CSMD1: variants seen among roughly 807,000 people sequenced by gnomAD.
The protein encoded by CSMD1 is CUB and Sushi multiple domains 1, also known as CUB and sushi domain-containing protein 1.
In CSMD1, 213 loss-of-function variants were observed where a neutral mutation model predicts 417.5. That is an observed-to-expected ratio of 0.51 (90% CI 0.46 to 0.57). The LOEUF (loss-of-function observed/expected upper bound fraction) is 0.57, where lower values mean the gene tolerates loss of function less well. Ranked by LOEUF, CSMD1 falls within the 20% of genes least tolerant of loss-of-function variation. The pLI, the probability that CSMD1 is intolerant of heterozygous loss-of-function variation, is 0.00. For missense variants in CSMD1, 6,923 were observed against 4,529.7 expected, an observed-to-expected ratio of 1.53 and a Z score of -15.17; for synonymous variants, 2,862 against 1,736.8, an observed-to-expected ratio of 1.65 and a Z score of -16.11.
intron 12 of CSMD1, among the ~76,000 whole-genome samples, chr8:3,414,842 C>A (rs1813028620): frequency 6.6e-6 from 1 of 152,176 alleles, no homozygotes; most frequent in African/African-American, 2.4e-5. Flanking sequence ...TCTTATTTAA[C>A]CATGCACTGT....
chr8:4,125,344 T>C (rs1164573870), intron 3 of CSMD1, among the ~76,000 whole-genome samples: 1 of 152,200 alleles, frequency 6.6e-6, no homozygotes, highest in Non-Finnish European at 1.5e-5. Flanking sequence ...GCGCAACTGT[T>C]TGTCTCTCAC....
At chr8:4,523,556 G>C (rs1803600398) in intron 2 of CSMD1, among the ~76,000 whole-genome samples, 2 of 152,056 alleles carry the variant, frequency 1.3e-5, no homozygotes, top group African/African-American at 4.8e-5. Context: ...CATGCAGACA[G>C]AATATGCAAT....
intron 4 of CSMD1, among the ~76,000 whole-genome samples, chr8:4,026,098 T>C (rs894221391): frequency 3.9e-5 from 6 of 152,126 alleles, no homozygotes; most frequent in Non-Finnish European, 4.4e-5. Context: ...ACTCATTTCA[T>C]TCGTGTGAAT....
At chr8:4,944,140 T>C (rs1276956853) in intron 1 of CSMD1, among the ~76,000 whole-genome samples, 1 of 152,186 alleles carries the variant, frequency 6.6e-6, no homozygotes, top group African/African-American at 2.4e-5. Flanking sequence ...TTTAGGCATC[T>C]GAATATCTTG....
At chr8:3,655,949 C>T (rs1563240096) in intron 7 of CSMD1, among the ~76,000 whole-genome samples, 1 of 152,160 alleles carries the variant, frequency 6.6e-6, no homozygotes, top group Non-Finnish European at 1.5e-5. Flanking sequence ...TCCAGAGACT[C>T]TGATTCCTGT....
intron 2 of CSMD1, among the ~76,000 whole-genome samples, chr8:4,448,064 G>C (rs1292424508): frequency 6.6e-6 from 1 of 152,152 alleles, no homozygotes. Context: ...TCACCCCTAA[G>C]CTTAGCTGTC....
At chr8:4,247,956 C>G (rs1346240948) in intron 3 of CSMD1, among the ~76,000 whole-genome samples, 2 of 152,004 alleles carry the variant, frequency 1.3e-5, no homozygotes, top group African/African-American at 2.4e-5. Context: ...AATTTTTTGT[C>G]TTCTTTTGGA....
intron 62 of CSMD1, among the ~76,000 whole-genome samples, chr8:2,959,269 G>A (rs1252159987): frequency 6.6e-6 from 1 of 152,130 alleles, no homozygotes; most frequent in South Asian, 2.1e-4. Flanking sequence ...ATGCCCAGAT[G>A]ATTTTTTGTA....
intron 1 of CSMD1, among the ~76,000 whole-genome samples, chr8:4,745,006 A>G (rs1295026494): frequency 6.6e-6 from 1 of 152,190 alleles, no homozygotes; most frequent in Non-Finnish European, 1.5e-5. Context: ...ACATCAACCT[A>G]TCATAATAAA....
chr8:4,019,549 T>G (rs960451952), intron 4 of CSMD1, among the ~76,000 whole-genome samples: 1 of 152,230 alleles, frequency 6.6e-6, no homozygotes, highest in Non-Finnish European at 1.5e-5. Context: ...ATTCCCTCTG[T>G]GCCTGAGCTG....
At chr8:3,605,242 G>T (rs997272095) in intron 8 of CSMD1, among the ~76,000 whole-genome samples, 3 of 152,094 alleles carry the variant, frequency 2.0e-5, no homozygotes, top group Admixed American at 6.5e-5. Context: ...CACCCGCCTC[G>T]GCCTCCCACA....
chr8:3,983,548 G>A (rs1204762288), intron 5 of CSMD1, among the ~76,000 whole-genome samples: 1 of 152,140 alleles, frequency 6.6e-6, no homozygotes, highest in Non-Finnish European at 1.5e-5. Flanking sequence ...TCAGTGCCGT[G>A]GAGAAGGACA....
chr8:4,108,364 C>G (rs1801678364), intron 3 of CSMD1, among the ~76,000 whole-genome samples: 1 of 152,102 alleles, frequency 6.6e-6, no homozygotes, highest in Non-Finnish European at 1.5e-5. Context: ...AGATCTCACC[C>G]CGGGTATCTG....
At chr8:4,175,073 T>C (rs1797969272) in intron 3 of CSMD1, among the ~76,000 whole-genome samples, 1 of 152,058 alleles carries the variant, frequency 6.6e-6, no homozygotes, top group East Asian at 2.0e-4. Flanking sequence ...TTTCACTGAC[T>C]TTTACTTTGC....
At chr8:2,993,708 G>A (rs1806614764) in intron 54 of CSMD1, among the ~76,000 whole-genome samples, 1 of 152,134 alleles carries the variant, frequency 6.6e-6, no homozygotes, top group Admixed American at 6.5e-5. Context: ...TGTTTCTAAT[G>A]TTTTAAAAGA....
intron 12 of CSMD1, among the ~76,000 whole-genome samples, chr8:3,435,356 T>C (rs1380426750): frequency 1.3e-5 from 2 of 152,130 alleles, no homozygotes; most frequent in South Asian, 2.1e-4. Flanking sequence ...GTGGTTCTTC[T>C]CCATCAGCCC....
intron 11 of CSMD1, among the ~76,000 whole-genome samples, chr8:3,493,318 G>T (rs1271088753): frequency 1.3e-5 from 2 of 149,482 alleles, no homozygotes; most frequent in East Asian, 3.9e-4. Flanking sequence ...AAAAAGGGGG[G>T]GCGGAGGGGT....
At chr8:4,156,309 G>A (rs1188412703) in intron 3 of CSMD1, among the ~76,000 whole-genome samples, 1 of 152,100 alleles carries the variant, frequency 6.6e-6, no homozygotes, top group African/African-American at 2.4e-5. Flanking sequence ...CCTTTTCAAT[G>A]AAGGCTCTGA....
chr8:4,452,053 A>T (rs545582580), intron 2 of CSMD1, among the ~76,000 whole-genome samples: 1 of 151,948 alleles, frequency 6.6e-6, no homozygotes, highest in East Asian at 1.9e-4. Flanking sequence ...GTGGAAGAGG[A>T]AGATTAGGGG....
Sources: allele counts gnomAD v4.1 joint callset (sites outside exome capture counted in the v4.1 genomes callset), GRCh38; gene constraint gnomAD v4.1.1; transcripts MANE v1.5; gene names NCBI Gene and HGNC (gene_info 2026-07-23, HGNC 2026-07-21).